Variants in THSD7B observed in about 807,000 individuals in gnomAD.
THSD7B encodes the protein thrombospondin type 1 domain containing 7B, also known as thrombospondin type-1 domain-containing protein 7B.
A neutral mutation model predicts 213.6 loss-of-function variants in THSD7B; 138 were observed. The ratio of observed to expected loss-of-function variants is 0.65; its 90% CI spans 0.56 to 0.74. THSD7B has a LOEUF of 0.74. Among genes scored for constraint, THSD7B ranks in the 30% least tolerant of loss-of-function variants. THSD7B has a pLI of 0.00. For missense variants in THSD7B, 1,931 were observed against 1,991.5 expected (o/e 0.97, Z 0.58); for synonymous variants, 742 against 687.0 (o/e 1.08, Z -1.25).
rs567079986 is a variant in THSD7B at position 136,811,875 on chromosome 2, C to T, written c.-36+46188C>T. Among the ~76,000 whole-genome samples the T allele has an allele frequency of 3.2e-3, 482 of 152,260 alleles. 1 individual carries two copies. Among genetic ancestry groups the T allele is most frequent in the Middle Eastern group, 6.8e-3 (2 of 294 alleles). ...GTTGTCCTCTTTGGAAGGGTGTCGG[C>T]TCTTCAAATTCCCACCATCCTCCAT... On this transcript the variant is annotated intron_variant, in intron 1 of 27. Coordinates refer to ENST00000409968, the MANE Select transcript of THSD7B (RefSeq NM_001316349.2).
At chr2:137,459,243 G>T (rs1400030515) in intron 15 of THSD7B, among the ~76,000 whole-genome samples, 1 of 152,074 alleles carries the variant, frequency 6.6e-6, no homozygotes, top group Non-Finnish European at 1.5e-5. Flanking sequence ...CCATTCTTTA[G>T]ATTTTTTAAA....
At chr2:136,969,631 A>G (rs1024749744) in intron 2 of THSD7B, among the ~76,000 whole-genome samples, 2 of 152,174 alleles carry the variant, frequency 1.3e-5, no homozygotes, top group African/African-American at 4.8e-5. Context: ...TAGTGAAACT[A>G]TTTAAAAGGC....
intron 3 of THSD7B, among the ~76,000 whole-genome samples, chr2:137,086,310 C>T (rs1166415911): frequency 6.6e-6 from 1 of 152,014 alleles, no homozygotes; most frequent in African/African-American, 2.4e-5. Flanking sequence ...GCACCCTAGC[C>T]TGGGCAACAG....
At chr2:137,153,001 T>C (rs375600693) in intron 5 of THSD7B, among the ~76,000 whole-genome samples, 1 of 152,212 alleles carries the variant, frequency 6.6e-6, no homozygotes, top group Non-Finnish European at 1.5e-5. Flanking sequence ...GCTCTTGTTC[T>C]TTCTATCTTC....
chr2:137,192,934 T>C (rs1230376477), intron 7 of THSD7B, among the ~76,000 whole-genome samples: 3 of 152,188 alleles, frequency 2.0e-5, no homozygotes, highest in South Asian at 4.1e-4. Context: ...TCTTGAAGTA[T>C]TTTTCCATAG....
At chr2:137,598,691 AGAAC>A (rs1682012850) in intron 17 of THSD7B, among the ~76,000 whole-genome samples, 1 of 152,194 alleles carries the variant, frequency 6.6e-6, no homozygotes, top group Non-Finnish European at 1.5e-5. Flanking sequence ...TTAATGTGTT[AGAAC>A]AGTTGTACCA....
chr2:137,093,123 A>AAT (rs1687981542), intron 3 of THSD7B, among the ~76,000 whole-genome samples: 1 of 152,252 alleles, frequency 6.6e-6, no homozygotes, highest in Non-Finnish European at 1.5e-5. Flanking sequence ...AATGCCAATT[A>AAT]ATATTTGAAA....
Position 137,405,770 on chromosome 2 carries a change from C to T in THSD7B, c.2658C>T (p.Asn886=). ...CCAAGTTTACGCCCTGCTCCACGAA[C>T]TGTGAAGCCACAAAAAGTAGGCGGC... The part of the protein sequence containing the change: ...AWSKFTPCST[N]CEATKSRRRQ... Residue 886 remains asparagine, a synonymous_variant, in exon 13 of 28, where the codon AAC becomes AAT. Transcript: ENST00000409968. 6.2e-7 allele frequency: 1 copy of T among 1,613,222 alleles called. No homozygotes were observed. The highest frequency in any genetic ancestry group is 8.5e-7 in the Non-Finnish European group (1 of 1,179,628).
intron 2 of THSD7B, among the ~76,000 whole-genome samples, chr2:136,926,158 C>T (rs1040014024): frequency 1.2e-4 from 18 of 152,050 alleles, no homozygotes; most frequent in African/African-American, 4.3e-4. Flanking sequence ...TATATGCATT[C>T]CTCCCTCCTT....
At chr2:137,022,162 A>T (rs1413245337) in intron 2 of THSD7B, among the ~76,000 whole-genome samples, 1 of 152,164 alleles carries the variant, frequency 6.6e-6, no homozygotes, top group East Asian at 1.9e-4. Flanking sequence ...ATGTGTACAC[A>T]TTTTTGCATG....
chr2:136,964,804 C>G (rs539478078), intron 2 of THSD7B, among the ~76,000 whole-genome samples: 2 of 152,106 alleles, frequency 1.3e-5, no homozygotes, highest in Non-Finnish European at 1.5e-5. Context: ...AGTTTGAGAC[C>G]AGCCTGGCCA....
At chr2:137,651,473 G>A (rs1573766727) in intron 21 of THSD7B, among the ~76,000 whole-genome samples, 1 of 151,502 alleles carries the variant, frequency 6.6e-6, no homozygotes, top group South Asian at 2.1e-4. Flanking sequence ...TCTTAGTCTA[G>A]CTAAAAGTTT....
intron 12 of THSD7B, among the ~76,000 whole-genome samples, chr2:137,348,118 G>T (rs7559640): frequency 0.01 from 1,526 of 151,654 alleles, 26 homozygotes; most frequent in African/African-American, 0.035. Context: ...CATCTTAAAG[G>T]CTCTAATGTG....
chr2:136,922,004 G>A (rs1684445729), intron 2 of THSD7B, among the ~76,000 whole-genome samples: 1 of 152,134 alleles, frequency 6.6e-6, no homozygotes, highest in South Asian at 2.1e-4. Flanking sequence ...TCTCAGGTAT[G>A]CTTTTGTAAA....
At chr2:137,176,156 A>C (rs1680353905) in intron 7 of THSD7B, among the ~76,000 whole-genome samples, 1 of 152,192 alleles carries the variant, frequency 6.6e-6, no homozygotes, top group Admixed American at 6.5e-5. Flanking sequence ...TTTTCACATA[A>C]GTATATTCCT....
intron 20 of THSD7B, among the ~76,000 whole-genome samples, chr2:137,628,683 T>C (rs934211617): frequency 2.6e-4 from 39 of 152,342 alleles, no homozygotes; most frequent in African/African-American, 9.4e-4. Context: ...CTGGGATGTT[T>C]GTTTCTCTCA....
chr2:136,787,441 C>T (rs2433921), intron 1 of THSD7B, among the ~76,000 whole-genome samples: 152,244 of 152,246 alleles, frequency 1, 76,121 homozygotes, highest in Non-Finnish European at 1. Context: ...TTTCTCAGGC[C>T]GCTGGAAGGA....
At chr2:137,346,834 G>A (rs558527774) in intron 12 of THSD7B, among the ~76,000 whole-genome samples, 3 of 151,704 alleles carry the variant, frequency 2.0e-5, no homozygotes, top group South Asian at 4.1e-4. Context: ...TTCATTGGTC[G>A]ACATTTAGGT....
At position 136,778,900 on chromosome 2, in the gene THSD7B, G is replaced by A. The variant is rs558873400; in HGVS notation, c.-36+13213G>A. Among the ~76,000 whole-genome samples the A allele has an allele frequency of 9.7e-4, 148 of 152,178 alleles. 4 individuals carry two copies. The Middle Eastern group carries it at 0.065, about 66-fold the overall frequency. On this transcript the variant is annotated intron_variant, in intron 1 of 27. Transcript: ENST00000409968. ...GCTCTAAGGTAAGGGAGGAATTTGG[G>A]CACTGCAGAGAGATTTATCTGTAGA...
Sources: allele counts gnomAD v4.1 joint callset (sites outside exome capture counted in the v4.1 genomes callset), GRCh38; gene constraint gnomAD v4.1.1; transcripts MANE v1.5; gene names NCBI Gene and HGNC (gene_info 2026-07-23, HGNC 2026-07-21).